Variants in RPS6KA1 observed in about 807,000 individuals in gnomAD.
RPS6KA1 encodes ribosomal protein S6 kinase A1.
Under a neutral mutation model 91.3 loss-of-function variants are expected in RPS6KA1, and 48 were observed. That is an observed-to-expected ratio of 0.53 (90% confidence interval 0.42 to 0.67). The LOEUF (loss-of-function observed/expected upper bound fraction) is 0.67, where lower values mean the gene tolerates loss of function less well. RPS6KA1 is among the 30% of genes least tolerant of loss of function. The pLI, the probability that RPS6KA1 is intolerant of heterozygous loss-of-function variation, is 0.00. For missense variants in RPS6KA1, 719 were observed against 960.5 expected, an observed-to-expected ratio of 0.75 and a Z score of 3.32; for synonymous variants, 359 against 384.7, an observed-to-expected ratio of 0.93 and a Z score of 0.78.
intron 17 of RPS6KA1, among the ~76,000 whole-genome samples, chr1:26,563,959 C>T (rs772399821): frequency 1.3e-5 from 2 of 151,962 alleles, no homozygotes; most frequent in African/African-American, 2.4e-5. Context: ...CCCATCTCTA[C>T]CAAAAATACA....
At chr1:26,544,272 C>T (rs532102826) in intron 2 of RPS6KA1, 3 of 452,016 alleles carry the variant, frequency 6.6e-6, no homozygotes, top group East Asian at 7.0e-5. Context: ...TCTGTCTCCA[C>T]TTGATAAGTG....
Position 26,555,298 on chromosome 1 carries a change from C to T in RPS6KA1, c.827+77C>T. 7.1e-7 allele frequency: 1 copy of T among 1,400,726 alleles called. No homozygotes were observed. The highest frequency in any genetic ancestry group is 1.0e-6 in the Non-Finnish European group (1 of 994,696). The allele number at this position is 1,400,726 out of a possible 1,614,324, so 86.8% of individuals were successfully genotyped here. ...CAGTTTGGGGGTCAGAATATTATTA[C>T]CCTGTCCCTGCCTCAGCTACCCTCT... On this transcript the variant is annotated intron_variant, in intron 10 of 21. Coordinates refer to ENST00000374168, the MANE Select transcript of RPS6KA1 (RefSeq NM_002953.4). The surrounding 1 kb of genome is among the most constrained non-coding windows in gnomAD (Gnocchi z 4.3).
chr1:26,546,055 T>G, intron 2 of RPS6KA1: 1 of 1,610,094 alleles, frequency 6.2e-7, no homozygotes, highest in Non-Finnish European at 8.5e-7. Flanking sequence ...CCCGAATGTC[T>G]GGTCCTGACC....
rs1019316482 is a variant in RPS6KA1, at chr1:26,571,258, A to G, written c.1591-191A>G. 4 of 592,340 alleles carry G rather than the reference A, an allele frequency of 6.8e-6. No individual in the cohort carries two copies. The East Asian group carries it at 1.1e-4, about 17-fold the overall frequency. 36.7% of individuals were successfully genotyped at this position (592,340 alleles called of 1,614,324 possible). On this transcript the variant is annotated intron_variant, in intron 17 of 21. Coordinates refer to ENST00000374168, the MANE Select transcript of RPS6KA1 (RefSeq NM_002953.4). This position sits in a 1 kb window ranked among gnomAD's most constrained non-coding sequence, Gnocchi z 5.1. The stretch of plus-strand genomic sequence containing the variant: ...GACAGGTTAACTTAGAGCTACCTGT[A>G]GACACCTACACAGAGTCAGTAGCAG...
Position 26,573,246 on chromosome 1 carries a change from A to G in RPS6KA1, c.1970A>G (p.His657Arg). ...TAKDLVSKMLHVDPHQRLTAK... is the reference protein window; with the variant it reads ...TAKDLVSKMLRVDPHQRLTAK... Reference sequence around the variant, plus strand: ...CAGGACCTGGTGTCCAAGATGCTACACGTGGATCCCCACCAGCGCCTCACA... The same window carrying G: ...CAGGACCTGGTGTCCAAGATGCTACGCGTGGATCCCCACCAGCGCCTCACA... Residue 657 changes from histidine to arginine, a missense_variant, in exon 21 of 22, where the codon CAC (histidine) becomes CGC (arginine). This residue lies in a region of RPS6KA1 where 249 missense variants were observed against 323.1 expected (regional missense o/e 0.77). Transcript: ENST00000374168. The G allele has an allele frequency of 6.2e-7, 1 of 1,614,090 alleles. No individual in the cohort carries two copies. The highest frequency in any genetic ancestry group is 8.5e-7 in the Non-Finnish European group (1 of 1,179,982).
At chr1:26,549,856 C>T (rs2076031405) in intron 4 of RPS6KA1, among the ~76,000 whole-genome samples, 1 of 151,636 alleles carries the variant, frequency 6.6e-6, no homozygotes, top group Admixed American at 6.6e-5. Context: ...CACATGCCAC[C>T]ACGCCTGGCT....
chr1:26,566,155 G>A (rs1225566182), intron 17 of RPS6KA1, among the ~76,000 whole-genome samples: 1 of 152,116 alleles, frequency 6.6e-6, no homozygotes, highest in Non-Finnish European at 1.5e-5. Context: ...GTTTTCCAGA[G>A]TGCTTTTGCT....
Position 26,571,677 on chromosome 1 carries a change from A to G in RPS6KA1, c.1752+67A>G, listed in dbSNP as rs2076250314. The stretch of plus-strand genomic sequence containing the variant: ...TTGGAGGCCTTGTGCCCCCTCCCAG[A>G]GGCCCCACATTAGCCGGGACTCCAG... On this transcript the variant is annotated intron_variant, in intron 18 of 21. Coordinates refer to ENST00000374168, the MANE Select transcript of RPS6KA1 (RefSeq NM_002953.4). The surrounding 1 kb of genome is among the most constrained non-coding windows in gnomAD (Gnocchi z 5.1). The G allele has an allele frequency of 6.4e-7, 1 of 1,569,360 alleles. No individual in the cohort carries two copies. Among genetic ancestry groups the G allele is most frequent in the Non-Finnish European group, 8.7e-7 (1 of 1,152,426 alleles).
intron 17 of RPS6KA1, among the ~76,000 whole-genome samples, chr1:26,568,134 G>A (rs976331979): frequency 1.3e-5 from 2 of 152,206 alleles, no homozygotes; most frequent in African/African-American, 2.4e-5. Context: ...CACTGGGTCC[G>A]AGTTGCTATG....
chr1:26,532,549 G>A lies in RPS6KA1; in HGVS notation c.63+2566G>A, dbSNP rs562227572. Reference sequence around the variant, plus strand: ...TGGCGGACTCTCCTTATCCTGCAAGGCCCTCGTCCAGTCTTTGCCGAGGGC... The same window carrying A: ...TGGCGGACTCTCCTTATCCTGCAAGACCCTCGTCCAGTCTTTGCCGAGGGC... On this transcript the variant is annotated intron_variant, in intron 1 of 21. Transcript: ENST00000374168. Among the ~76,000 whole-genome samples, 13 of 152,254 alleles carry A rather than the reference G, an allele frequency of 8.5e-5. No homozygotes were observed. The East Asian group carries it at 2.1e-3, about 25-fold the overall frequency.
chr1:26,560,938 C>G (rs1384072221), intron 15 of RPS6KA1, 87 bp downstream of exon 15: 1 of 1,604,308 alleles, frequency 6.2e-7, no homozygotes, highest in Non-Finnish European at 8.5e-7. Context: ...CTGAGCTCTG[C>G]AGATGTATGA....
At chr1:26,545,664 A>T (rs2075987780) in intron 2 of RPS6KA1, among the ~76,000 whole-genome samples, 1 of 151,992 alleles carries the variant, frequency 6.6e-6, no homozygotes, top group Non-Finnish European at 1.5e-5. Flanking sequence ...CACAGGGAGG[A>T]TGGGGGAACG....
chr1:26,545,855 C>T (rs71640330), intron 2 of RPS6KA1: 89,665 of 1,529,656 alleles, frequency 0.059, 2,889 homozygotes, highest in East Asian at 0.091. Context: ...GCGGCAGCCC[C>T]GGACTCTGCC....
intron 2 of RPS6KA1, among the ~76,000 whole-genome samples, chr1:26,542,459 G>A (rs1403056783): frequency 6.6e-6 from 1 of 152,234 alleles, no homozygotes; most frequent in Non-Finnish European, 1.5e-5. Context: ...CTGAGTGTGT[G>A]TGTGTGCATG....
At chr1:26,537,676 G>T (rs1029979540) in intron 2 of RPS6KA1, among the ~76,000 whole-genome samples, 2 of 152,270 alleles carry the variant, frequency 1.3e-5, no homozygotes, top group Non-Finnish European at 2.9e-5. Context: ...CAGGGTGGCT[G>T]TGAGGTCACA....
intron 6 of RPS6KA1, among the ~76,000 whole-genome samples, chr1:26,552,209 G>A (rs1020057161): frequency 6.6e-6 from 1 of 152,022 alleles, no homozygotes; most frequent in Non-Finnish European, 1.5e-5. Context: ...CCAACATGGT[G>A]AAACCCCGTC....
chr1:26,547,306 T>G lies in RPS6KA1; in HGVS notation c.307+36T>G. ...ACACCTCCCTGTGCAGAACCCAGGC[T>G]TGGCTGAGGGAGGCAGCCCAGACTT... On this transcript the variant is annotated intron_variant, in intron 4 of 21. Transcript: ENST00000374168. The surrounding 1 kb of genome is among the most constrained non-coding windows in gnomAD (Gnocchi z 4.1). The G allele has an allele frequency of 6.3e-7, 1 of 1,590,590 alleles. No individual in the cohort carries two copies. Among genetic ancestry groups the G allele is most frequent in the Non-Finnish European group, 8.6e-7 (1 of 1,162,842 alleles).
At position 26,554,860 on chromosome 1, in the gene RPS6KA1, G is replaced by A; in HGVS notation, c.756+122G>A. The A allele has an allele frequency of 7.4e-7, 1 of 1,344,582 alleles. No homozygotes were observed. The highest frequency in any genetic ancestry group is 1.4e-5 in the South Asian group (1 of 70,870). 83.3% of individuals were successfully genotyped at this position (1,344,582 alleles called of 1,614,324 possible). A position where few individuals can be genotyped will look rare whatever the true frequency, so the allele number is the denominator to read the frequency against. On this transcript the variant is annotated intron_variant, in intron 9 of 21. Transcript: ENST00000374168. The surrounding 1 kb of genome is among the most constrained non-coding windows in gnomAD (Gnocchi z 4.6). ...CCCGTCTCCTCTCACAGCCAAGCTG[G>A]CCTCACCCTATATGCACCTGCAGTT...
At chr1:26,559,136 C>T (rs555866362) in intron 14 of RPS6KA1, among the ~76,000 whole-genome samples, 199 bp downstream of exon 14, 6 of 152,282 alleles carry the variant, frequency 3.9e-5, no homozygotes, top group African/African-American at 1.4e-4. Context: ...GTGTACATTT[C>T]CCAGCACAGA....
Sources: gnomAD v4.1 joint callset for allele counts (sites outside exome capture counted in the v4.1 genomes callset) on GRCh38, gnomAD v4.1.1 for gene constraint, gnomAD v4.1.1 regional missense constraint, Gnocchi (gnomAD v3.1) non-coding constraint, MANE v1.5 for transcripts, NCBI Gene and HGNC (gene_info 2026-07-23, HGNC 2026-07-21) for gene names.